PAPPA2: variants seen among roughly 807,000 people sequenced by gnomAD.
PAPPA2 encodes the protein pappalysin-2.
A neutral mutation model predicts 176.4 loss-of-function variants in PAPPA2; 86 were observed. The observed-to-expected ratio is 0.49, with a 90% CI of 0.41 to 0.58. The LOEUF is 0.58. Ranked by LOEUF, PAPPA2 falls within the 20% of genes least tolerant of loss-of-function variation. The pLI is 0.00. For synonymous variants in PAPPA2, 809 were observed against 852.2 expected, an observed-to-expected ratio of 0.95 and a Z score of 0.88; for missense variants, 2,073 against 2,256.9, an observed-to-expected ratio of 0.92 and a Z score of 1.65.
At chr1:176,508,585 G>T (rs980169993) in intron 1 of PAPPA2, among the ~76,000 whole-genome samples, 6 of 149,458 alleles carry the variant, frequency 4.0e-5, no homozygotes, top group African/African-American at 1.5e-4. Flanking sequence ...AGGAAAAAAA[G>T]TAAAAAAAAA....
At chr1:176,632,563 T>C (rs925221437) in intron 3 of PAPPA2, among the ~76,000 whole-genome samples, 4 of 152,084 alleles carry the variant, frequency 2.6e-5, no homozygotes, top group Non-Finnish European at 4.4e-5. Flanking sequence ...AAGTGAAGAC[T>C]GACAGTGCTA....
intron 21 of PAPPA2, among the ~76,000 whole-genome samples, chr1:176,835,492 A>G (rs906044297): frequency 6.6e-6 from 1 of 152,020 alleles, no homozygotes; most frequent in Non-Finnish European, 1.5e-5. Flanking sequence ...CCACATTCTC[A>G]CAAGCACTTG....
chr1:176,498,287 C>G (rs1054973203), intron 1 of PAPPA2, among the ~76,000 whole-genome samples: 2 of 152,160 alleles, frequency 1.3e-5, no homozygotes, highest in African/African-American at 4.8e-5. Context: ...TGCTCCTCTC[C>G]AGGTCCCACT....
At chr1:176,753,656 A>G (rs1486557813) in intron 14 of PAPPA2, among the ~76,000 whole-genome samples, 1 of 140,962 alleles carries the variant, frequency 7.1e-6, no homozygotes, top group Non-Finnish European at 1.5e-5. Flanking sequence ...TTTCCTTTTA[A>G]TGTTCCTGAG....
In PAPPA2 at chr1:176,840,237, G is replaced by GA. The variant is rs1395029697; in HGVS notation, c.5268dup (p.Asp1757ArgfsTer18). ...CGAGCCTACTGCCACTATGACGGGG[G>GA]AGACTGCTGCTCTTCCACACTCTCC... On this transcript the variant is annotated frameshift_variant, in exon 22 of 23. Coordinates refer to ENST00000367662, the MANE Select transcript of PAPPA2 (RefSeq NM_020318.3). LOFTEE classifies it high-confidence loss of function. The GA allele has an allele frequency of 1.2e-6, 2 of 1,613,196 alleles. No individual in the cohort carries two copies. Among genetic ancestry groups the GA allele is most frequent in the Non-Finnish European group, 1.7e-6 (2 of 1,179,502 alleles).
chr1:176,668,855 A>G (rs1455244400), intron 3 of PAPPA2, among the ~76,000 whole-genome samples: 1 of 152,150 alleles, frequency 6.6e-6, no homozygotes, highest in Non-Finnish European at 1.5e-5. Flanking sequence ...CCAGTTTGCC[A>G]CCAGCATGAC....
intron 4 of PAPPA2, among the ~76,000 whole-genome samples, chr1:176,681,059 C>T (rs567077342): frequency 1.6e-3 from 238 of 150,552 alleles, no homozygotes; most frequent in Non-Finnish European, 2.6e-3. Flanking sequence ...CTAAAATCAA[C>T]TAAGAAGGGG....
intron 21 of PAPPA2, among the ~76,000 whole-genome samples, chr1:176,836,122 G>T (rs1392373233): frequency 6.6e-6 from 1 of 151,916 alleles, no homozygotes; most frequent in African/African-American, 2.4e-5. Flanking sequence ...TTTGCTGCAA[G>T]AACTTCATCA....
intron 1 of PAPPA2, among the ~76,000 whole-genome samples, chr1:176,492,730 A>T (rs978630700): frequency 6.6e-6 from 1 of 152,148 alleles, no homozygotes; most frequent in African/African-American, 2.4e-5. Context: ...TCATAAAGTA[A>T]TCATAAAGTA....
At chr1:176,597,694 A>G (rs888395042) in intron 3 of PAPPA2, among the ~76,000 whole-genome samples, 20 of 152,344 alleles carry the variant, frequency 1.3e-4, no homozygotes, top group African/African-American at 4.8e-4. Flanking sequence ...TTAAAAAAAA[A>G]GAAGAAAAGA....
At chr1:176,634,316 C>T (rs1322014138) in intron 3 of PAPPA2, among the ~76,000 whole-genome samples, 1 of 150,650 alleles carries the variant, frequency 6.6e-6, no homozygotes, top group Admixed American at 6.6e-5. Flanking sequence ...TGGAAACCAT[C>T]ATTCTCAGCG....
At chr1:176,784,275 A>G (rs564656906) in intron 17 of PAPPA2, among the ~76,000 whole-genome samples, 1 of 152,308 alleles carries the variant, frequency 6.6e-6, no homozygotes, top group East Asian at 1.9e-4. Context: ...CATGACTTCA[A>G]GGAGTCGTTT....
At chr1:176,789,638 A>G (rs1002134827) in intron 17 of PAPPA2, among the ~76,000 whole-genome samples, 171 bp from the exon 18 acceptor site, 1 of 152,244 alleles carries the variant, frequency 6.6e-6, no homozygotes, top group Non-Finnish European at 1.5e-5. Context: ...GAACATTACT[A>G]TTTTTAGTTC....
rs1325414036 is a variant in PAPPA2, at chr1:176,711,884, G to T, written c.3701G>T (p.Gly1234Val). The T allele has an allele frequency of 6.2e-7, 1 of 1,613,166 alleles. No homozygotes were observed. The highest frequency in any genetic ancestry group is 1.1e-5 in the South Asian group (1 of 91,036). The change falls in exon 12 of 23, where the codon GGC becomes GTC. Residue 1234 changes from glycine to valine, a missense_variant. By Grantham distance (109) the Gly-to-Val change is moderately radical. This residue lies in a region of PAPPA2 where 846 missense variants were observed against 857.9 expected (regional missense o/e 0.99). Transcript: ENST00000367662. The part of the protein sequence containing the change: ...PDLPNHRPLT[G>V]WFPCVASENE... The stretch of plus-strand genomic sequence containing the variant: ...TTACCCAACCACCGTCCCCTAACTG[G>T]CTGGTTTCCCTGTGTTGCCAGTGAA...
intron 1 of PAPPA2, among the ~76,000 whole-genome samples, chr1:176,528,839 C>T (rs182712188): frequency 1.0e-3 from 156 of 152,254 alleles, no homozygotes; most frequent in African/African-American, 3.4e-3. Flanking sequence ...CTTTGCCATG[C>T]CTTCTCCCTG....
In PAPPA2 at chr1:176,791,426, C is replaced by T. The variant is rs555762275; in HGVS notation, c.4964C>T (p.Pro1655Leu). 6.2e-7 allele frequency: 1 copy of T among 1,613,622 alleles called. No individual in the cohort carries two copies. The highest frequency in any genetic ancestry group is 1.1e-5 in the South Asian group (1 of 91,076). The change falls in exon 19 of 23, where the codon CCA becomes CTA. Residue 1655 changes from proline (P) to leucine (L), a missense_variant. By Grantham distance (98) the Pro-to-Leu change is moderately conservative (BLOSUM62 -3). Coordinates refer to ENST00000367662, the MANE Select transcript of PAPPA2 (RefSeq NM_020318.3). ...GAGAATCTGCAAGGAGAATGCCCACCACCCCCCTCAGAGCTGAATTCTGTG... is the reference window on the plus strand; with the variant it reads ...GAGAATCTGCAAGGAGAATGCCCACTACCCCCCTCAGAGCTGAATTCTGTG... ...LCENLQGECP[P>L]PPSELNSVEY...
At chr1:176,686,246 G>A (rs540318973) in intron 4 of PAPPA2, among the ~76,000 whole-genome samples, 2 of 152,230 alleles carry the variant, frequency 1.3e-5, no homozygotes, top group Non-Finnish European at 2.9e-5. Context: ...AGTTCAGTAC[G>A]GTTTGGGGGT....
intron 3 of PAPPA2, among the ~76,000 whole-genome samples, chr1:176,660,687 C>T (rs1658314382): frequency 6.6e-6 from 1 of 152,060 alleles, no homozygotes; most frequent in Non-Finnish European, 1.5e-5. Context: ...GAATCAAGGA[C>T]ACACTCTCCA....
intron 4 of PAPPA2, among the ~76,000 whole-genome samples, chr1:176,682,290 A>G (rs1018686552): frequency 1.3e-5 from 2 of 152,152 alleles, no homozygotes; most frequent in African/African-American, 2.4e-5. Context: ...GGATCTTTCA[A>G]GAAGTTTGGC....
Sources: gnomAD v4.1 joint callset for allele counts (sites outside exome capture counted in the v4.1 genomes callset) on GRCh38, gnomAD v4.1.1 for gene constraint, gnomAD v4.1.1 regional missense constraint, MANE v1.5 for transcripts, NCBI Gene and HGNC (gene_info 2026-07-23, HGNC 2026-07-21) for gene names.